Variants in HIBCH observed in about 807,000 individuals in gnomAD.
The protein encoded by HIBCH is 3-hydroxyisobutyryl-CoA hydrolase.
A neutral mutation model predicts 58.2 loss-of-function variants in HIBCH; 50 were observed. That is an observed-to-expected ratio of 0.86 (90% CI 0.68 to 1.09). The LOEUF is 1.09. Ranked by LOEUF, HIBCH falls within the 50% of genes least tolerant of loss-of-function variation. HIBCH has a pLI of 0.00. For synonymous variants in HIBCH, 151 were observed against 146.9 expected (o/e 1.03, Z -0.20); for missense variants, 450 against 449.7 (o/e 1.00, Z -0.01).
At chr2:190,242,090 G>A (rs989497786) in intron 11 of HIBCH, among the ~76,000 whole-genome samples, 1 of 152,042 alleles carries the variant, frequency 6.6e-6, no homozygotes, top group Admixed American at 6.6e-5. Context: ...GTCACTTTCA[G>A]ATACACCAAT....
In HIBCH at chr2:190,224,774, A is replaced by G. The variant is rs1160307888; in HGVS notation, c.892-11699T>C. Among the ~76,000 whole-genome samples, 3 of 152,252 alleles carry G rather than the reference A, an allele frequency of 2.0e-5. 1 individual carries two copies. Among genetic ancestry groups the G allele is most frequent in the African/African-American group, 7.2e-5 (3 of 41,472 alleles). On this transcript the variant is annotated intron_variant, in intron 11 of 13. Transcript: ENST00000359678. ...ATCAAGGACTTGAACTCAGCTCTGC[A>G]CCAAGTGGACCTAACAGACATCTAC...
intron 7 of HIBCH, among the ~76,000 whole-genome samples, chr2:190,256,443 CA>C (rs775861983): frequency 0.016 from 1,588 of 102,060 alleles, 10 homozygotes; most frequent in African/African-American, 0.03. Flanking sequence ...TCCAATTCTG[CA>C]AAAAAAAAAA....
intron 1 of HIBCH, among the ~76,000 whole-genome samples, chr2:190,312,231 T>C (rs1206414634): frequency 2.0e-5 from 3 of 152,250 alleles, no homozygotes; most frequent in Non-Finnish European, 4.4e-5. Flanking sequence ...AGTTGTATCA[T>C]TATGCTTTGG....
chr2:190,307,726 T>A (rs1159718150), intron 2 of HIBCH, among the ~76,000 whole-genome samples: 6 of 152,130 alleles, frequency 3.9e-5, no homozygotes, highest in Non-Finnish European at 7.4e-5. Context: ...AAAAAAATAT[T>A]TCCCTGAATA....
chr2:190,309,587 C>T (rs1285890672), intron 2 of HIBCH, among the ~76,000 whole-genome samples: 1 of 150,454 alleles, frequency 6.6e-6, no homozygotes, highest in Non-Finnish European at 1.5e-5. Context: ...GACAGAGTCT[C>T]GCTCTGTCGC....
rs3083429 is a variant in HIBCH, at chr2:190,194,477, TACACACACACACAC to T, written c.*18-4494_*18-4481del. Among the ~76,000 whole-genome samples the T allele has an allele frequency of 3.8e-3, 535 of 141,472 alleles. 2 individuals are homozygous for T. The highest frequency in any genetic ancestry group is 8.4e-3 in the African/African-American group (315 of 37,430). The allele number at this position is 141,472 out of a possible 152,430, so 92.8% of individuals were successfully genotyped here. ...GTAGTGTTCCCACGTATCCTGTGTA[TACACACACACACAC>T]ACACACACACACACACACACACACA... On this transcript the variant is annotated intron_variant, in intron 1 of 1. Coordinates refer to the HIBCH transcript ENST00000399855.
At chr2:190,292,499 C>G (rs760278291) in intron 4 of HIBCH, among the ~76,000 whole-genome samples, 2 of 152,010 alleles carry the variant, frequency 1.3e-5, no homozygotes, top group Non-Finnish European at 2.9e-5. Flanking sequence ...TTAGTAGAGA[C>G]GGGGTTTCAC....
chr2:190,290,593 A>C, intron 4 of HIBCH, 108 bp from the exon 5 acceptor site: 1 of 752,416 alleles, frequency 1.3e-6, no homozygotes, highest in Non-Finnish European at 2.2e-6. Flanking sequence ...GAGTACTCTA[A>C]AATGACTTGT....
At chr2:190,290,344 T>C in intron 5 of HIBCH, 61 bp downstream of exon 5, 1 of 1,148,940 alleles carries the variant, frequency 8.7e-7, no homozygotes, top group South Asian at 1.2e-5. Flanking sequence ...TTTAACAAAG[T>C]ACATACTGTC....
At chr2:190,252,374 G>T in intron 7 of HIBCH, 67 bp from the exon 8 acceptor site, 1 of 1,344,126 alleles carries the variant, frequency 7.4e-7, no homozygotes. Context: ...TAACCTTTTT[G>T]CCGTAGATCA....
intron 6 of HIBCH, among the ~76,000 whole-genome samples, chr2:190,282,269 G>A (rs568869139): frequency 6.6e-6 from 1 of 152,114 alleles, no homozygotes; most frequent in Non-Finnish European, 1.5e-5. Flanking sequence ...ACACAGACTA[G>A]GTAACTTATA....
At position 190,217,061 on chromosome 2, in the gene HIBCH, G is replaced by A. The variant is rs1685574629; in HGVS notation, c.892-3986C>T. Among the ~76,000 whole-genome samples the A allele has an allele frequency of 6.6e-6, 1 of 152,232 alleles. No homozygotes were observed. The highest frequency in any genetic ancestry group is 6.5e-5 in the Admixed American group (1 of 15,286). On this transcript the variant is annotated intron_variant, in intron 11 of 13. Coordinates refer to ENST00000359678, the MANE Select transcript of HIBCH (RefSeq NM_014362.4). This position sits in a 1 kb window ranked among gnomAD's most constrained non-coding sequence, Gnocchi z 4.6. ...AATGAAAGTGCCCCTCAGGAAAGGT[G>A]CCACAGGCTGTTAGCTCTTCAAACC...
At chr2:190,314,388 T>TAC (rs1448101717) in intron 1 of HIBCH, among the ~76,000 whole-genome samples, 24 of 93,338 alleles carry the variant, frequency 2.6e-4, no homozygotes, top group African/African-American at 8.7e-4. Flanking sequence ...TGTGTATATA[T>TAC]ATGTATATAT....
intron 7 of HIBCH, among the ~76,000 whole-genome samples, chr2:190,255,275 T>A (rs1014002530): frequency 1.3e-5 from 2 of 152,210 alleles, no homozygotes; most frequent in Non-Finnish European, 2.9e-5. Flanking sequence ...AGACACAGAT[T>A]GCCTCCATTT....
chr2:190,227,996 TTCC>T (rs1431451910), intron 11 of HIBCH, among the ~76,000 whole-genome samples: 1 of 152,190 alleles, frequency 6.6e-6, no homozygotes, highest in Non-Finnish European at 1.5e-5. Flanking sequence ...AGTGTGGCAA[TTCC>T]TCAAGGATCT....
chr2:190,224,822 C>G (rs988699623), intron 11 of HIBCH, among the ~76,000 whole-genome samples: 1 of 152,202 alleles, frequency 6.6e-6, no homozygotes, highest in African/African-American at 2.4e-5. Flanking sequence ...CCCAAATCAA[C>G]AGAATATACA....
chr2:190,219,203 A>T (rs912488914), intron 11 of HIBCH, among the ~76,000 whole-genome samples: 3 of 152,216 alleles, frequency 2.0e-5, no homozygotes, highest in African/African-American at 7.2e-5. Context: ...ATATTAACTC[A>T]ATAGAAGTCC....
chr2:190,249,777 A>G, intron 8 of HIBCH, 51 bp from the exon 9 acceptor site: 2 of 1,128,218 alleles, frequency 1.8e-6, no homozygotes, highest in Non-Finnish European at 2.7e-6. Flanking sequence ...ATAGAAACAT[A>G]GAAAGCTTTA....
intron 6 of HIBCH, among the ~76,000 whole-genome samples, chr2:190,285,159 G>A (rs924378558): frequency 2.0e-5 from 3 of 152,130 alleles, no homozygotes; most frequent in Non-Finnish European, 4.4e-5. Context: ...CTTTGCTACT[G>A]TGTATTAGTT....
Sources: allele counts gnomAD v4.1 joint callset (sites outside exome capture counted in the v4.1 genomes callset), GRCh38; gene constraint gnomAD v4.1.1; non-coding constraint Gnocchi (gnomAD v3.1); transcripts MANE v1.5; gene names NCBI Gene and HGNC (gene_info 2026-07-23, HGNC 2026-07-21).